EPHA6: variants seen among roughly 807,000 people sequenced by gnomAD.
The protein encoded by EPHA6 is EPH receptor A6, also known as ephrin type-A receptor 6.
EPHA6 carries 50 observed loss-of-function variants against 112.0 expected under a neutral mutation model. The ratio of observed to expected loss-of-function variants is 0.45; its 90% CI spans 0.36 to 0.56. The LOEUF is 0.56. EPHA6 is among the 20% of genes least tolerant of loss of function. EPHA6 has a pLI of 0.00. For missense variants in EPHA6, 1,280 were observed against 1,417.4 expected (o/e 0.90, Z 1.56); for synonymous variants, 529 against 490.7 (o/e 1.08, Z -1.03).
intron 2 of EPHA6, among the ~76,000 whole-genome samples, chr3:96,938,399 GCTCT>G (rs2040727273): frequency 1.3e-5 from 2 of 150,168 alleles, no homozygotes. Context: ...TCATGATTTG[GCTCT>G]CTGTTTGTCT....
chr3:97,648,690 TAA>T (rs2094085765), intron 14 of EPHA6: 1 of 1,013,390 alleles, frequency 9.9e-7, no homozygotes, highest in Non-Finnish European at 1.2e-6. Context: ...TCTCTTAAAT[TAA>T]AGAGTTGGTG....
chr3:97,194,287 A>G (rs990948199), intron 3 of EPHA6, among the ~76,000 whole-genome samples: 3 of 151,852 alleles, frequency 2.0e-5, no homozygotes, highest in Admixed American at 2.0e-4. Flanking sequence ...TTTTTTTTCA[A>G]GAAATTTTAC....
At chr3:97,064,564 T>C (rs1409186767) in intron 3 of EPHA6, among the ~76,000 whole-genome samples, 1 of 152,176 alleles carries the variant, frequency 6.6e-6, no homozygotes, top group Non-Finnish European at 1.5e-5. Context: ...GCCTGACACA[T>C]AGTAGTATGT....
intron 5 of EPHA6, among the ~76,000 whole-genome samples, chr3:97,355,734 T>C (rs552096391): frequency 2.6e-5 from 4 of 152,248 alleles, no homozygotes; most frequent in African/African-American, 9.6e-5. Context: ...AAGACACGGA[T>C]TGGCTGAATG....
intron 3 of EPHA6, among the ~76,000 whole-genome samples, chr3:97,090,205 C>G (rs2047020036): frequency 6.6e-6 from 1 of 151,894 alleles, no homozygotes; most frequent in South Asian, 2.1e-4. Context: ...GTATTGCAAA[C>G]TGTTTCAAAA....
At chr3:96,830,497 C>T (rs977106247) in intron 1 of EPHA6, among the ~76,000 whole-genome samples, 2 of 151,996 alleles carry the variant, frequency 1.3e-5, no homozygotes, top group Admixed American at 6.6e-5. Flanking sequence ...TTTATATGGA[C>T]GTTAAGTTAC....
At chr3:97,720,504 T>C (rs1278302201) in intron 15 of EPHA6, 94 bp downstream of exon 15, 1 of 1,154,844 alleles carries the variant, frequency 8.7e-7, no homozygotes, top group African/African-American at 1.6e-5. Context: ...CAGATTGGCC[T>C]TTATCTTCCT....
chr3:96,829,796 G>A (rs907957158), intron 1 of EPHA6, among the ~76,000 whole-genome samples: 4 of 151,914 alleles, frequency 2.6e-5, no homozygotes, highest in African/African-American at 9.7e-5. Context: ...TTAATACATA[G>A]GAAATGGAAA....
intron 3 of EPHA6, among the ~76,000 whole-genome samples, chr3:97,035,558 CTTCCCTACTTACAG>C (rs1414096646): frequency 1.3e-5 from 2 of 151,776 alleles, no homozygotes; most frequent in African/African-American, 2.4e-5. Context: ...TGATAAAATT[CTTCCCTACTTACAG>C]TTCTATTTTT....
intron 11 of EPHA6, among the ~76,000 whole-genome samples, chr3:97,539,103 C>CCTTCCTTT (rs1227480052): frequency 0.016 from 1,379 of 83,756 alleles, 13 homozygotes; most frequent in African/African-American, 0.06. Flanking sequence ...TTCCTTCCTT[C>CCTTCCTTT]CTTTCTTTCT....
chr3:97,178,063 A>G (rs565435956), intron 3 of EPHA6, among the ~76,000 whole-genome samples: 10 of 152,102 alleles, frequency 6.6e-5, no homozygotes, highest in African/African-American at 2.4e-4. Flanking sequence ...ACAAGTGAAG[A>G]TGATTTTTCT....
At chr3:96,831,092 C>T (rs965438614) in intron 1 of EPHA6, among the ~76,000 whole-genome samples, 10 of 151,780 alleles carry the variant, frequency 6.6e-5, no homozygotes, top group South Asian at 2.1e-4. Flanking sequence ...TATATTCCTT[C>T]GATATTTTTA....
chr3:97,661,665 A>T (rs1052254015), intron 14 of EPHA6, among the ~76,000 whole-genome samples: 1 of 152,186 alleles, frequency 6.6e-6, no homozygotes. Flanking sequence ...TTCTTAAACC[A>T]GATCATTAAA....
At chr3:97,073,710 T>C (rs2046428429) in intron 3 of EPHA6, among the ~76,000 whole-genome samples, 1 of 152,092 alleles carries the variant, frequency 6.6e-6, no homozygotes, top group South Asian at 2.1e-4. Flanking sequence ...ATCGCTAAGA[T>C]TTTTTCATTA....
intron 5 of EPHA6, among the ~76,000 whole-genome samples, chr3:97,363,751 C>T (rs2084541233): frequency 6.6e-6 from 1 of 151,752 alleles, no homozygotes; most frequent in African/African-American, 2.4e-5. Context: ...AAGGAAGCAA[C>T]CCAAATGTCC....
At chr3:97,676,908 A>G (rs969428556) in intron 14 of EPHA6, among the ~76,000 whole-genome samples, 2 of 152,200 alleles carry the variant, frequency 1.3e-5, no homozygotes, top group African/African-American at 4.8e-5. Context: ...AAAGGATAAG[A>G]TACGGAATCA....
At chr3:96,939,561 G>C (rs1300659262) in intron 2 of EPHA6, among the ~76,000 whole-genome samples, 1 of 151,990 alleles carries the variant, frequency 6.6e-6, no homozygotes, top group East Asian at 1.9e-4. Context: ...ACCAGCTCCT[G>C]GATTCATTAA....
At chr3:97,540,509 C>A (rs2092834132) in intron 11 of EPHA6, among the ~76,000 whole-genome samples, 1 of 152,166 alleles carries the variant, frequency 6.6e-6, no homozygotes, top group Non-Finnish European at 1.5e-5. Flanking sequence ...TATTGGTTGT[C>A]CTTCTAGTGT....
chr3:97,133,438 C>CA (rs1032854519), intron 3 of EPHA6, among the ~76,000 whole-genome samples: 36 of 151,420 alleles, frequency 2.4e-4, no homozygotes, highest in Middle Eastern at 3.4e-3. Flanking sequence ...TGTTTTCCTA[C>CA]AAAAAAAATC....
Sources: allele counts gnomAD v4.1 joint callset (sites outside exome capture counted in the v4.1 genomes callset), GRCh38; gene constraint gnomAD v4.1.1; transcripts MANE v1.5; gene names NCBI Gene and HGNC (gene_info 2026-07-23, HGNC 2026-07-21).